The following PRKD2 variants were observed in gnomAD, a reference collection of about 807,000 sequenced individuals.
The protein encoded by PRKD2 is protein kinase D2, also known as serine/threonine-protein kinase D2.
A neutral mutation model predicts 86.0 loss-of-function variants in PRKD2; 22 were observed. The ratio of observed to expected loss-of-function variants is 0.26; its 90% CI spans 0.18 to 0.37. The LOEUF is 0.37. PRKD2 is among the 10% of genes least tolerant of loss of function. The probability of loss-of-function intolerance (pLI) is 1.00; values close to 1 mark genes in which losing one functional copy is unlikely to be tolerated. For synonymous variants in PRKD2, 509 were observed against 510.9 expected (o/e 1.00, Z 0.05); for missense variants, 818 against 1,199.2 (o/e 0.68, Z 4.70).
At chr19:46,692,807 T>C (rs894452007) in intron 10 of PRKD2, among the ~76,000 whole-genome samples, 7 of 152,104 alleles carry the variant, frequency 4.6e-5, no homozygotes, top group African/African-American at 1.7e-4. Flanking sequence ...CATATGCTGT[T>C]TCCCCTGCCA....
intron 8 of PRKD2, chr19:46,697,454 C>T (rs1303956339): frequency 6.8e-6 from 4 of 590,174 alleles, no homozygotes; most frequent in Non-Finnish European, 1.2e-5. Context: ...CCCAGACTCG[C>T]CCCCACTTAG....
intron 5 of PRKD2, among the ~76,000 whole-genome samples, chr19:46,702,158 C>A (rs1309787167): frequency 6.6e-6 from 1 of 151,746 alleles, no homozygotes; most frequent in Non-Finnish European, 1.5e-5. Context: ...CCCACCTCAG[C>A]CTCCTGAGTA....
At chr19:46,715,892 CGACATGCAGG>C (rs796130240) in intron 1 of PRKD2, among the ~76,000 whole-genome samples, 47 of 152,344 alleles carry the variant, frequency 3.1e-4, no homozygotes, top group African/African-American at 1.0e-3. Context: ...CAGAAAACAA[CGACATGCAGG>C]GACATGAAAT....
At chr19:46,706,049 G>C (rs776458624) in intron 3 of PRKD2, among the ~76,000 whole-genome samples, 6 of 151,676 alleles carry the variant, frequency 4.0e-5, no homozygotes, top group Non-Finnish European at 7.4e-5. Flanking sequence ...TTTTTTTGTA[G>C]AGATGGGGTC....
chr19:46,690,265 C>G (rs2053464820), intron 13 of PRKD2, among the ~76,000 whole-genome samples: 1 of 152,204 alleles, frequency 6.6e-6, no homozygotes, highest in Non-Finnish European at 1.5e-5. Flanking sequence ...CTCCAGATGG[C>G]AGCCTGCGGG....
chr19:46,700,223 C>T (rs562531056), intron 7 of PRKD2, among the ~76,000 whole-genome samples: 5 of 151,104 alleles, frequency 3.3e-5, no homozygotes, highest in East Asian at 2.0e-4. Flanking sequence ...GCAACAAGAG[C>T]GAAACGCCGT....
intron 15 of PRKD2, among the ~76,000 whole-genome samples, chr19:46,680,948 T>TATATA (rs55813443): frequency 2.6e-4 from 7 of 26,530 alleles, no homozygotes; most frequent in East Asian, 1.8e-3. Context: ...ATATATATAT[T>TATATA]TTTTTTTTTT....
chr19:46,679,863 G>A lies in PRKD2; in HGVS notation c.2071-1200C>T, dbSNP rs531411914. On this transcript the variant is annotated intron_variant, in intron 15 of 17. Transcript: ENST00000291281. ...TGGTCCCAAACTCCTGACCTCAGGTGTTCCTCCTGCCTCAGCCTCCCAAAG... is the reference window on the plus strand; with the variant it reads ...TGGTCCCAAACTCCTGACCTCAGGTATTCCTCCTGCCTCAGCCTCCCAAAG... Among the ~76,000 whole-genome samples, 4 of 152,234 alleles carry A rather than the reference G, an allele frequency of 2.6e-5. 1 individual carries two copies. The highest frequency in any genetic ancestry group is 9.6e-5 in the African/African-American group (4 of 41,532).
rs149768520 is a variant in PRKD2 at position 46,678,986 on chromosome 19, C to T, written c.2071-323G>A. Reference sequence around the variant, plus strand: ...ATAAATGCTAGCTGCTGCTATACCTCTGCCACCTCCAATGGGTCGCTGTTT... The same window carrying T: ...ATAAATGCTAGCTGCTGCTATACCTTTGCCACCTCCAATGGGTCGCTGTTT... On this transcript the variant is annotated intron_variant, in intron 15 of 17. Coordinates refer to ENST00000291281, the MANE Select transcript of PRKD2 (RefSeq NM_016457.5). The surrounding 1 kb of genome is among the most constrained non-coding windows in gnomAD (Gnocchi z 5.7). Among the ~76,000 whole-genome samples, 345 of 152,340 alleles carry T rather than the reference C, an allele frequency of 2.3e-3. 6 individuals are homozygous for T. The highest frequency in any genetic ancestry group is 7.6e-3 in the African/African-American group (317 of 41,582).
At chr19:46,680,947 T>TATATA (rs1555826536) in intron 15 of PRKD2, among the ~76,000 whole-genome samples, 11 of 33,230 alleles carry the variant, frequency 3.3e-4, no homozygotes, top group East Asian at 7.1e-4. Context: ...TATATATATA[T>TATATA]TTTTTTTTTT....
chr19:46,686,699 C>T (rs1004648948), intron 14 of PRKD2, among the ~76,000 whole-genome samples: 1 of 150,690 alleles, frequency 6.6e-6, no homozygotes, highest in Admixed American at 6.6e-5. Flanking sequence ...CACCTGTAAT[C>T]CCAGCACTTT....
rs202213502 is a variant in PRKD2, at chr19:46,712,527, C to T, written c.379+1336G>A. 1.9e-4 allele frequency among the ~76,000 whole-genome samples: 29 copies of T among 152,034 alleles called. No individual in the cohort carries two copies. In the East Asian group the frequency reaches 5.0e-3, roughly 26 times the overall value. On this transcript the variant is annotated intron_variant, in intron 2 of 17. Coordinates refer to ENST00000291281, the MANE Select transcript of PRKD2 (RefSeq NM_016457.5). The stretch of plus-strand genomic sequence containing the variant: ...CTGCACTCCAGCCTGGGTGACAGAG[C>T]GAGACTCCGTCTAAAAAAACAAAAA...
At chr19:46,676,156 C>G (rs959356497) in intron 16 of PRKD2, among the ~76,000 whole-genome samples, 2 of 151,210 alleles carry the variant, frequency 1.3e-5, no homozygotes, top group African/African-American at 4.9e-5. Context: ...AGGCTGGGCG[C>G]GGTGGCTCAT....
At chr19:46,710,479 T>C (rs1185620232) in intron 3 of PRKD2, 1 of 159,678 alleles carries the variant, frequency 6.3e-6, no homozygotes, top group Non-Finnish European at 1.4e-5. Context: ...TCCCCCACTG[T>C]GCCCAGCCAG....
Position 46,697,724 on chromosome 19 carries a change from G to C in PRKD2, c.1239+9C>G. 6.2e-7 allele frequency: 1 copy of C among 1,608,298 alleles called. No individual in the cohort carries two copies. Among genetic ancestry groups the C allele is most frequent in the Admixed American group, 1.7e-5 (1 of 59,906 alleles). ...CTCCGCCGTACCCGGCCCCGCCCCG[G>C]CCACTCACCAGCGTGTCCTTGTTGC... is the stretch of plus-strand genomic sequence containing the variant. On this transcript the variant is annotated intron_variant, in intron 8 of 17. Coordinates refer to ENST00000291281, the MANE Select transcript of PRKD2 (RefSeq NM_016457.5).
chr19:46,692,011 G>C (rs1323631146), intron 10 of PRKD2, 26 bp from the exon 11 acceptor site: 1 of 1,607,626 alleles, frequency 6.2e-7, no homozygotes, highest in South Asian at 1.1e-5. Flanking sequence ...AGACAGAGGT[G>C]AGGGGACTCC....
chr19:46,686,756 C>G (rs1328515098), intron 14 of PRKD2, among the ~76,000 whole-genome samples: 1 of 151,558 alleles, frequency 6.6e-6, no homozygotes, highest in East Asian at 2.0e-4. Flanking sequence ...TCGAGACCAT[C>G]CTGGTTAACA....
rs1272998112 is a variant in PRKD2, at chr19:46,691,830, G to A, written c.1630-23C>T. The A allele has an allele frequency of 6.2e-6, 10 of 1,613,796 alleles. No homozygotes were observed. In the African/African-American group the frequency reaches 1.2e-4, roughly 19 times the overall value. On this transcript the variant is annotated intron_variant, in intron 11 of 17. Transcript: ENST00000291281. ...GTCCTACAGGGTGAAGACAGGGCAG[G>A]TCAGGGGTGCAAATGGAAATGGGGA...
intron 14 of PRKD2, among the ~76,000 whole-genome samples, 173 bp downstream of exon 14, chr19:46,689,364 T>C (rs1409190303): frequency 6.6e-6 from 1 of 152,000 alleles, no homozygotes; most frequent in Non-Finnish European, 1.5e-5. Flanking sequence ...CTCGTGGGCC[T>C]CCCAAAGTGC....
Sources: allele counts gnomAD v4.1 joint callset (sites outside exome capture counted in the v4.1 genomes callset), GRCh38; gene constraint gnomAD v4.1.1; non-coding constraint Gnocchi (gnomAD v3.1); transcripts MANE v1.5; gene names NCBI Gene and HGNC (gene_info 2026-07-23, HGNC 2026-07-21).